MARCHF8: variants seen among roughly 807,000 people sequenced by gnomAD.
MARCHF8 encodes the protein E3 ubiquitin-protein ligase MARCHF8.
Under a neutral mutation model 51.6 loss-of-function variants are expected in MARCHF8, and 40 were observed. The ratio of observed to expected loss-of-function variants is 0.77; its 90% confidence interval spans 0.60 to 1.01. The LOEUF (loss-of-function observed/expected upper bound fraction) is 1.01, where lower values mean the gene tolerates loss of function less well. MARCHF8 is among the 50% of genes least tolerant of loss of function. The probability of loss-of-function intolerance (pLI) is 0.00; values close to 1 mark genes in which losing one functional copy is unlikely to be tolerated. For missense variants in MARCHF8, 685 were observed against 708.6 expected, an observed-to-expected ratio of 0.97 and a Z score of 0.38; for synonymous variants, 263 against 280.3, an observed-to-expected ratio of 0.94 and a Z score of 0.62.
chr10:45,479,365 TGACAAACCCAC>T (rs2042844485), intron 3 of MARCHF8, among the ~76,000 whole-genome samples: 1 of 152,210 alleles, frequency 6.6e-6, no homozygotes, highest in African/African-American at 2.4e-5. Context: ...AGGCTATATA[TGACAAACCCAC>T]AGCTAACATA....
intron 6 of MARCHF8, among the ~76,000 whole-genome samples, chr10:45,460,097 T>TA (rs1202260527): frequency 6.6e-6 from 1 of 152,202 alleles, no homozygotes; most frequent in Non-Finnish European, 1.5e-5. Flanking sequence ...AACATTTTTT[T>TA]AAGCAGTTTG....
upstream of MARCHF8, among the ~76,000 whole-genome samples, chr10:45,535,605 T>C (rs1373384378): frequency 6.6e-6 from 1 of 152,178 alleles, no homozygotes; most frequent in Admixed American, 6.5e-5. Flanking sequence ...ACAATCTCCC[T>C]CCTATGCCAC....
At chr10:45,486,969 C>T (rs1381446827) in intron 3 of MARCHF8, among the ~76,000 whole-genome samples, 1 of 151,940 alleles carries the variant, frequency 6.6e-6, no homozygotes, top group Non-Finnish European at 1.5e-5. Context: ...ACCACCACGC[C>T]TGGCTATTTT....
At chr10:45,504,937 A>C (rs1185419338) in intron 2 of MARCHF8, among the ~76,000 whole-genome samples, 4 of 152,200 alleles carry the variant, frequency 2.6e-5, no homozygotes, top group African/African-American at 9.7e-5. Flanking sequence ...GACATTCTAC[A>C]AAGGTGGCCC....
intron 1 of MARCHF8, among the ~76,000 whole-genome samples, chr10:45,545,854 G>A (rs948994824): frequency 6.6e-6 from 1 of 151,978 alleles, no homozygotes; most frequent in Non-Finnish European, 1.5e-5. Flanking sequence ...ATCACATCTC[G>A]CCCTCTGTCT....
At position 45,533,206 on chromosome 10, in the gene MARCHF8, G is replaced by A. The variant is rs1160014696; in HGVS notation, c.6C>T (p.Ser2=). 2 of 1,609,620 alleles carry A rather than the reference G, an allele frequency of 1.2e-6. No homozygotes were observed. Among genetic ancestry groups the A allele is most frequent in the Non-Finnish European group, 1.7e-6 (2 of 1,178,226 alleles). M[S]MPLHQISAIP... ...TGGCAGAGATCTGATGCAGTGGCATGCTCATCCCAACCTCTTATCTGGTCG... is the reference window on the plus strand; with the variant it reads ...TGGCAGAGATCTGATGCAGTGGCATACTCATCCCAACCTCTTATCTGGTCG... Residue 2 remains serine (S), a synonymous_variant, in exon 2 of 8, where the codon AGC becomes AGT. Coordinates refer to ENST00000453424, the MANE Select transcript of MARCHF8 (RefSeq NM_001282866.2).
chr10:45,564,079 C>T (rs2044339034), intron 1 of MARCHF8, among the ~76,000 whole-genome samples: 3 of 152,196 alleles, frequency 2.0e-5, no homozygotes, highest in African/African-American at 7.2e-5. Flanking sequence ...AGTTCGAAAC[C>T]AGCCTGGCCA....
chr10:45,487,507 C>T (rs73285382), intron 3 of MARCHF8, among the ~76,000 whole-genome samples: 3,751 of 152,216 alleles, frequency 0.025, 158 homozygotes, highest in African/African-American at 0.084. Flanking sequence ...CACTTTTCTC[C>T]GTGCTTAGAC....
chr10:45,543,981 T>C (rs2044088776), intron 1 of MARCHF8, among the ~76,000 whole-genome samples: 1 of 151,662 alleles, frequency 6.6e-6, no homozygotes, highest in Admixed American at 6.6e-5. Context: ...GGCAAGAGGG[T>C]CGTTTGAGCC....
At chr10:45,459,084 C>T in intron 7 of MARCHF8, 36 bp downstream of exon 7, 3 of 1,612,776 alleles carry the variant, frequency 1.9e-6, no homozygotes, top group Non-Finnish European at 2.5e-6. Flanking sequence ...GCTATCCCGG[C>T]CCCCATGCTG....
chr10:45,535,825 T>G (rs1196439644), upstream of MARCHF8, among the ~76,000 whole-genome samples: 1 of 152,228 alleles, frequency 6.6e-6, no homozygotes, highest in Non-Finnish European at 1.5e-5. Flanking sequence ...GCATGAGGGC[T>G]TCAATTTGAC....
chr10:45,562,939 T>C (rs576258188), intron 1 of MARCHF8, among the ~76,000 whole-genome samples: 13 of 151,506 alleles, frequency 8.6e-5, no homozygotes, highest in Non-Finnish European at 1.3e-4. Flanking sequence ...GGTTGACTTA[T>C]ATGTGGGTTT....
intron 1 of MARCHF8, among the ~76,000 whole-genome samples, chr10:45,586,019 T>C (rs2044614767): frequency 6.6e-6 from 1 of 152,198 alleles, no homozygotes. Flanking sequence ...ATGTTCAGTC[T>C]GTAAATGCTT....
intron 1 of MARCHF8, among the ~76,000 whole-genome samples, chr10:45,591,669 GTCTT>G (rs1589200685): frequency 6.6e-6 from 1 of 152,086 alleles, no homozygotes; most frequent in Admixed American, 6.5e-5. Flanking sequence ...ACAACTGAAG[GTCTT>G]TCTAATACAG....
intron 2 of MARCHF8, among the ~76,000 whole-genome samples, chr10:45,510,012 G>C (rs541594695): frequency 4.6e-5 from 7 of 152,204 alleles, no homozygotes; most frequent in African/African-American, 1.7e-4. Context: ...CATCTCATAC[G>C]TGCCTGACTT....
chr10:45,544,446 A>G (rs1210454048), intron 1 of MARCHF8, among the ~76,000 whole-genome samples: 2 of 152,224 alleles, frequency 1.3e-5, no homozygotes, highest in African/African-American at 2.4e-5. Context: ...ATTCCTCATA[A>G]TAGCCCAAAA....
chr10:45,579,361 G>A (rs953277312), intron 1 of MARCHF8, among the ~76,000 whole-genome samples: 15 of 149,588 alleles, frequency 1.0e-4, no homozygotes, highest in Non-Finnish European at 1.3e-4. Flanking sequence ...AGAAAACTAG[G>A]TAAGCTTTTT....
chr10:45,474,939 G>C (rs1310609841), intron 3 of MARCHF8, among the ~76,000 whole-genome samples: 1 of 152,202 alleles, frequency 6.6e-6, no homozygotes, highest in Non-Finnish European at 1.5e-5. Flanking sequence ...GAGATGGCGA[G>C]AAGGCATTGC....
chr10:45,580,104 A>C (rs1330529404), intron 1 of MARCHF8, among the ~76,000 whole-genome samples: 2 of 151,864 alleles, frequency 1.3e-5, no homozygotes, highest in African/African-American at 4.8e-5. Flanking sequence ...TATGCTGAAG[A>C]TATTCATCAA....
Sources: allele counts gnomAD v4.1 joint callset (sites outside exome capture counted in the v4.1 genomes callset), GRCh38; gene constraint gnomAD v4.1.1; transcripts MANE v1.5; gene names NCBI Gene and HGNC (gene_info 2026-07-23, HGNC 2026-07-21).